ITGB2: variants seen among roughly 807,000 people sequenced by gnomAD.
ITGB2 encodes integrin subunit beta 2.
In ITGB2, 56 loss-of-function variants were observed where a neutral mutation model predicts 86.8. The ratio of observed to expected loss-of-function variants is 0.65; its 90% CI spans 0.52 to 0.81. ITGB2 has a LOEUF of 0.81. Among genes scored for constraint, ITGB2 ranks in the 30% least tolerant of loss-of-function variants. The probability of loss-of-function intolerance (pLI) is 0.00; values close to 1 mark genes in which losing one functional copy is unlikely to be tolerated. For synonymous variants in ITGB2, 457 were observed against 450.4 expected, an observed-to-expected ratio of 1.01 and a Z score of -0.19; for missense variants, 948 against 1,061.2, an observed-to-expected ratio of 0.89 and a Z score of 1.48.
chr21:44,926,603 C>T (rs994000568), intron 1 of ITGB2, among the ~76,000 whole-genome samples: 2 of 152,204 alleles, frequency 1.3e-5, no homozygotes, highest in Non-Finnish European at 2.9e-5. Context: ...GGAGTCCGTC[C>T]CTAAGAGCCG....
chr21:44,886,602 G>A lies in ITGB2; in HGVS notation c.2247+134C>T, dbSNP rs371572471. ...GCCAAGCTCACCCACAGCGGCGGAC[G>A]CCCAGAGGACAAGCTGCCTGGGGAG... On this transcript the variant is annotated intron_variant, in intron 15 of 15. Coordinates refer to ENST00000652462, the MANE Select transcript of ITGB2 (RefSeq NM_000211.5). 4.7e-5 allele frequency: 68 copies of A among 1,438,512 alleles called. No homozygotes were observed. In the East Asian group the frequency reaches 1.2e-3, roughly 26 times the overall value. 89.1% of individuals were successfully genotyped at this position (1,438,512 alleles called of 1,614,324 possible). A position where few individuals can be genotyped will look rare whatever the true frequency, so the allele number is the denominator to read the frequency against.
chr21:44,917,850 T>C (rs1052193289), intron 1 of ITGB2, among the ~76,000 whole-genome samples: 1 of 152,212 alleles, frequency 6.6e-6, no homozygotes, highest in Non-Finnish European at 1.5e-5. Flanking sequence ...GGGCTAACTC[T>C]TCTGCACTCT....
chr21:44,902,148 G>A (rs1337334947), intron 5 of ITGB2, among the ~76,000 whole-genome samples: 1 of 152,190 alleles, frequency 6.6e-6, no homozygotes. Context: ...TTCAGGTATG[G>A]ACACACCTAG....
intron 9 of ITGB2, chr21:44,894,309 A>G (rs888639183): frequency 6.1e-6 from 1 of 163,508 alleles, no homozygotes; most frequent in Non-Finnish European, 1.4e-5. Flanking sequence ...TCAAGCCAGC[A>G]GGACCTTTGG....
At chr21:44,891,520 G>T (rs1013748341) in intron 11 of ITGB2, among the ~76,000 whole-genome samples, 2 of 152,198 alleles carry the variant, frequency 1.3e-5, no homozygotes, top group Non-Finnish European at 2.9e-5. Context: ...TCTGGTGAGG[G>T]GGTCCTCCTG....
At chr21:44,907,856 C>G (rs2084067438) in intron 3 of ITGB2, 2 of 574,866 alleles carry the variant, frequency 3.5e-6, no homozygotes, top group Non-Finnish European at 3.2e-6. Context: ...CAGGGTGCCT[C>G]TTTGTAGGGC....
intron 4 of ITGB2, 65 bp from the exon 5 acceptor site, chr21:44,903,600 G>T: frequency 1.3e-6 from 2 of 1,591,220 alleles, no homozygotes; most frequent in East Asian, 2.2e-5. Flanking sequence ...CTGGGGGCGT[G>T]TGGCCCCGAG....
chr21:44,890,116 A>T lies in ITGB2; in HGVS notation c.1519T>A (p.Ser507Thr), dbSNP rs2083765174. The change falls in exon 12 of 16, where the codon TCA becomes ACA. Residue 507 changes from serine (S) to threonine (T), a missense_variant. Coordinates refer to ENST00000652462, the MANE Select transcript of ITGB2 (RefSeq NM_000211.5). ...CCGCAGACACAGTCCCCCAGCCCTGAGCAGATGATGGAGTTGTTGTCCTTC... is the reference window on the plus strand; with the variant it reads ...CCGCAGACACAGTCCCCCAGCCCTGTGCAGATGATGGAGTTGTTGTCCTTC... The part of the protein sequence containing the change: ...CRKDNNSIIC[S>T]GLGDCVCGQC... The T allele has an allele frequency of 6.2e-7, 1 of 1,613,398 alleles. No homozygotes were observed. The highest frequency in any genetic ancestry group is 8.5e-7 in the Non-Finnish European group (1 of 1,180,006).
At chr21:44,905,623 G>A in intron 4 of ITGB2, among the ~76,000 whole-genome samples, 1 of 152,224 alleles carries the variant, frequency 6.6e-6, no homozygotes, top group Non-Finnish European at 1.5e-5. Flanking sequence ...CCAGGCCCTC[G>A]AGTTTGAGGT....
In ITGB2 at chr21:44,893,559, C is replaced by T. The variant is rs376782094; in HGVS notation, c.1084-15G>A. 82 of 1,613,108 alleles carry T rather than the reference C, an allele frequency of 5.1e-5. No individual in the cohort carries two copies. The highest frequency in any genetic ancestry group is 5.1e-4 in the African/African-American group (38 of 75,026). ...GAGGAGAGTTTCTGCGGGCAGAGAG[C>T]GGTTACTCTTGGGGGCGAGTGTTTC... On this transcript the variant is annotated splice_polypyrimidine_tract_variant and intron_variant, in intron 9 of 15. Coordinates refer to ENST00000652462, the MANE Select transcript of ITGB2 (RefSeq NM_000211.5).
In ITGB2 at chr21:44,886,851, C is replaced by A. The variant is rs771201581; in HGVS notation, c.2132G>T (p.Gly711Val). 6.2e-6 allele frequency: 10 copies of A among 1,613,492 alleles called. No individual in the cohort carries two copies. Among genetic ancestry groups the A allele is most frequent in the Non-Finnish European group, 7.6e-6 (9 of 1,180,002 alleles). ...IAAIVGGTVAGIVLIGILLLV... is the reference protein window; with the variant it reads ...IAAIVGGTVAVIVLIGILLLV... Reference sequence around the variant, plus strand: ...CAGGAGAATGCCGATCAGCACGATGCCTGCCACGGTGCCCCCGACGATGGC... The same window carrying A: ...CAGGAGAATGCCGATCAGCACGATGACTGCCACGGTGCCCCCGACGATGGC... Residue 711 changes from glycine (G) to valine (V), a missense_variant, in exon 15 of 16, where the codon GGC becomes GTC. Gly to Val is a moderately radical substitution (Grantham distance 109, BLOSUM62 -3). Transcript: ENST00000652462.
chr21:44,889,917 C>T, intron 12 of ITGB2, 61 bp downstream of exon 12: 1 of 1,605,018 alleles, frequency 6.2e-7, no homozygotes, highest in African/African-American at 1.3e-5. Context: ...CAGAACGCAC[C>T]CCCCAACACC....
chr21:44,925,896 G>C (rs955662591), upstream of ITGB2, among the ~76,000 whole-genome samples: 2 of 152,128 alleles, frequency 1.3e-5, no homozygotes, highest in African/African-American at 4.8e-5. Context: ...GGCTAACATG[G>C]TGAAACCTCG....
rs373900883 is a variant in ITGB2, at chr21:44,889,350, G to A, written c.1803C>T (p.Cys601=). Residue 601 remains cysteine (C), a synonymous_variant, in exon 13 of 16, where the codon TGC becomes TGT. Transcript: ENST00000652462. ...SGRGRCRCNV[C]ECHSGYQLPL... is the part of the protein sequence containing the mutation. Reference sequence around the variant, plus strand: ...GCAGCTGGTAGCCTGAATGGCACTCGCATACGTTGCAGCGGCACCGGCCAC... The same window carrying A: ...GCAGCTGGTAGCCTGAATGGCACTCACATACGTTGCAGCGGCACCGGCCAC... The A allele has an allele frequency of 4.3e-5, 70 of 1,612,858 alleles. No individual in the cohort carries two copies. The highest frequency in any genetic ancestry group is 6.7e-5 in the Admixed American group (4 of 60,018).
rs565042973 is a variant in ITGB2 at position 44,888,769 on chromosome 21, C to G, written c.2004G>C (p.Glu668Asp). Residue 668 changes from glutamate to aspartate, a missense_variant, in exon 14 of 16, where the codon GAG (glutamate) becomes GAC (aspartate). Coordinates refer to ENST00000652462, the MANE Select transcript of ITGB2 (RefSeq NM_000211.5). ...CCAGCGTGTAGGCCACCCAGCAGCCCTCTGAGTCCCTCTCCTTGCAGGTCC... is the reference window on the plus strand; with the variant it reads ...CCAGCGTGTAGGCCACCCAGCAGCCGTCTGAGTCCCTCTCCTTGCAGGTCC... ...KGRTCKERDS[E>D]GCWVAYTLEQ... is the part of the protein sequence containing the mutation. The G allele has an allele frequency of 1.8e-5, 29 of 1,612,074 alleles. No homozygotes were observed. The highest frequency in any genetic ancestry group is 3.3e-4 in the Middle Eastern group (2 of 6,062).
rs1271751708 is a variant in ITGB2, at chr21:44,901,614, C to T, written c.619G>A (p.Val207Met). The change falls in exon 6 of 16, where the codon GTG becomes ATG. Residue 207 changes from valine (V) to methionine (M), a missense_variant. Val to Met is a conservative substitution (Grantham distance 21). Coordinates refer to ENST00000652462, the MANE Select transcript of ITGB2 (RefSeq NM_000211.5). The part of the protein sequence containing the change: ...ECQPPFAFRH[V>M]LKLTNNSNQF... ...TTGGAGTTGTTGGTCAGCTTCAGCA[C>T]GTGCCTGAAGGCAAACGGGGGCTGG... is the stretch of plus-strand genomic sequence containing the variant. 9.9e-6 allele frequency: 16 copies of T among 1,614,126 alleles called. No individual in the cohort carries two copies. The highest frequency in any genetic ancestry group is 1.4e-5 in the Non-Finnish European group (16 of 1,180,044).
intron 8 of ITGB2, among the ~76,000 whole-genome samples, chr21:44,896,571 C>T (rs1282802300): frequency 2.0e-5 from 3 of 152,146 alleles, no homozygotes; most frequent in Non-Finnish European, 4.4e-5. Context: ...CTCCTGGGGC[C>T]GGTCACAGCC....
rs1310206539 is a variant in ITGB2 at position 44,894,796 on chromosome 21, G to T, written c.1083+175C>A. 4.5e-6 allele frequency: 3 copies of T among 664,528 alleles called. No individual in the cohort carries two copies. The Admixed American group carries it at 6.4e-5, about 14-fold the overall frequency. The allele number at this position is 664,528 out of a possible 1,614,324, so 41.2% of individuals were successfully genotyped here. A position where few individuals can be genotyped will look rare whatever the true frequency, so the allele number is the denominator to read the frequency against. ...AGGACCCAGAGCTCCCCGTGGAAGT[G>T]CCGGGCCAGGGTGTCCTGGAGGCCT... On this transcript the variant is annotated intron_variant, in intron 9 of 15. Coordinates refer to ENST00000652462, the MANE Select transcript of ITGB2 (RefSeq NM_000211.5).
chr21:44,926,081 G>A (rs1261910697), intron 1 of ITGB2, among the ~76,000 whole-genome samples: 1 of 152,110 alleles, frequency 6.6e-6, no homozygotes, highest in African/African-American at 2.4e-5. Context: ...CTCCAGCCTG[G>A]ACAACAGAGC....
Sources: allele counts gnomAD v4.1 joint callset (sites outside exome capture counted in the v4.1 genomes callset), GRCh38; gene constraint gnomAD v4.1.1; transcripts MANE v1.5; gene names NCBI Gene and HGNC (gene_info 2026-07-23, HGNC 2026-07-21).